GRID2: variants seen among roughly 807,000 people sequenced by gnomAD.
GRID2 encodes glutamate receptor ionotropic, delta-2.
Under a neutral mutation model 114.8 loss-of-function variants are expected in GRID2, and 33 were observed. The ratio of observed to expected loss-of-function variants is 0.29; its 90% confidence interval spans 0.22 to 0.38. The LOEUF is 0.38. GRID2 is among the 10% of genes least tolerant of loss of function. The pLI, the probability that GRID2 is intolerant of heterozygous loss-of-function variation, is 1.00. For missense variants in GRID2, 1,184 were observed against 1,257.7 expected (o/e 0.94, Z 0.89); for synonymous variants, 505 against 449.9 (o/e 1.12, Z -1.55).
intron 1 of GRID2, among the ~76,000 whole-genome samples, chr4:92,329,076 G>A (rs1206313431): frequency 2.0e-5 from 3 of 151,992 alleles, no homozygotes; most frequent in African/African-American, 4.8e-5. Context: ...ACACGTGCAT[G>A]CTAATTTTAC....
At chr4:92,858,799 C>T (rs1005890226) in intron 2 of GRID2, among the ~76,000 whole-genome samples, 9 of 152,074 alleles carry the variant, frequency 5.9e-5, no homozygotes, top group African/African-American at 1.9e-4. Flanking sequence ...TCTTGTAATC[C>T]GCCTGCCTCA....
chr4:92,591,906 A>G (rs548234803), intron 2 of GRID2, among the ~76,000 whole-genome samples: 2 of 152,256 alleles, frequency 1.3e-5, no homozygotes, highest in South Asian at 4.1e-4. Context: ...GTAAACATTA[A>G]TGCAAAAAGT....
At chr4:92,605,152 A>G (rs900834629) in intron 2 of GRID2, among the ~76,000 whole-genome samples, 5 of 152,072 alleles carry the variant, frequency 3.3e-5, no homozygotes, top group Non-Finnish European at 7.4e-5. Context: ...TCCTTTATAA[A>G]TTACCTGGTC....
intron 4 of GRID2, among the ~76,000 whole-genome samples, chr4:93,182,811 CT>C (rs2149437429): frequency 6.6e-6 from 1 of 152,294 alleles, no homozygotes; most frequent in Admixed American, 6.5e-5. Context: ...TTGATTTTGT[CT>C]TTTTCTTCTC....
At chr4:92,583,159 G>A (rs1728261760) in intron 1 of GRID2, among the ~76,000 whole-genome samples, 1 of 152,076 alleles carries the variant, frequency 6.6e-6, no homozygotes, top group African/African-American at 2.4e-5. Context: ...CCTAGGGAAA[G>A]TTACTTAACC....
chr4:92,595,078 A>C (rs1728883488), intron 2 of GRID2, among the ~76,000 whole-genome samples: 1 of 152,034 alleles, frequency 6.6e-6, no homozygotes, highest in Admixed American at 6.6e-5. Flanking sequence ...TAATGACAAG[A>C]TTCAGCTAAA....
chr4:93,719,348 T>C (rs578185719), intron 14 of GRID2, among the ~76,000 whole-genome samples: 3 of 152,206 alleles, frequency 2.0e-5, no homozygotes, highest in African/African-American at 7.2e-5. Context: ...TTTTTTCTAA[T>C]CTTGGGTTAG....
At chr4:93,506,269 AT>A (rs1728618497) in intron 12 of GRID2, among the ~76,000 whole-genome samples, 1 of 152,066 alleles carries the variant, frequency 6.6e-6, no homozygotes. Context: ...AGTGCAGAAA[AT>A]ATTCCCAAGT....
At chr4:93,271,117 A>G (rs1250377285) in intron 8 of GRID2, among the ~76,000 whole-genome samples, 2 of 152,202 alleles carry the variant, frequency 1.3e-5, no homozygotes, top group Admixed American at 1.3e-4. Context: ...TGGACCAGAT[A>G]TAAGCCATTT....
intron 1 of GRID2, among the ~76,000 whole-genome samples, chr4:92,523,226 G>A (rs1724875373): frequency 6.6e-6 from 1 of 151,998 alleles, no homozygotes; most frequent in Non-Finnish European, 1.5e-5. Context: ...CTTGTTAAAT[G>A]TAAATGTCAT....
chr4:92,304,885 C>T (rs980208552), intron 1 of GRID2, 141 bp downstream of exon 1: 1 of 686,098 alleles, frequency 1.5e-6, no homozygotes, highest in Non-Finnish European at 2.6e-6. Flanking sequence ...CTACCCTTCC[C>T]TCACACTTGC....
Position 93,019,083 on chromosome 4 carries a change from G to A in GRID2, c.245-65912G>A, listed in dbSNP as rs868388903. Among the ~76,000 whole-genome samples, 7 of 152,172 alleles carry A rather than the reference G, an allele frequency of 4.6e-5. No homozygotes were observed. In the Middle Eastern group the frequency reaches 0.01, roughly 222 times the overall value. ...GGATGTTGTGAAATAGCACTGCAGT[G>A]TTCATAATGAAATTCTTTATATTCA... On this transcript the variant is annotated intron_variant, in intron 2 of 15. Transcript: ENST00000282020.
chr4:92,896,302 A>G (rs1747161289), intron 2 of GRID2, among the ~76,000 whole-genome samples: 1 of 152,216 alleles, frequency 6.6e-6, no homozygotes, highest in Admixed American at 6.5e-5. Context: ...TTGAGAATTA[A>G]GACAGTAGTG....
chr4:93,305,832 C>T (rs959711123), intron 8 of GRID2, among the ~76,000 whole-genome samples: 1 of 151,256 alleles, frequency 6.6e-6, no homozygotes, highest in African/African-American at 2.5e-5. Flanking sequence ...AAGTTGTCTG[C>T]CTTGGACATA....
chr4:92,996,313 A>T (rs1755194815), intron 2 of GRID2, among the ~76,000 whole-genome samples: 1 of 152,074 alleles, frequency 6.6e-6, no homozygotes, highest in Non-Finnish European at 1.5e-5. Context: ...AAATAAAAAA[A>T]ATAAAAAATA....
intron 12 of GRID2, among the ~76,000 whole-genome samples, chr4:93,511,757 C>T (rs542982506): frequency 6.6e-6 from 1 of 151,006 alleles, no homozygotes; most frequent in Non-Finnish European, 1.5e-5. Context: ...CTGGAGTACT[C>T]TAGATTTTTC....
intron 2 of GRID2, among the ~76,000 whole-genome samples, chr4:92,897,845 T>C (rs1344401607): frequency 1.3e-5 from 2 of 152,178 alleles, no homozygotes; most frequent in African/African-American, 4.8e-5. Context: ...ACAAAGAAAT[T>C]ATATGATTAT....
At chr4:92,753,962 C>T (rs1378188533) in intron 2 of GRID2, among the ~76,000 whole-genome samples, 1 of 152,128 alleles carries the variant, frequency 6.6e-6, no homozygotes, top group African/African-American at 2.4e-5. Context: ...CCAGTAATAG[C>T]TATATATGAC....
chr4:92,577,678 G>A (rs1727962971), intron 1 of GRID2, among the ~76,000 whole-genome samples: 1 of 152,190 alleles, frequency 6.6e-6, no homozygotes, highest in Non-Finnish European at 1.5e-5. Context: ...AGGACTACAG[G>A]AAGAGCAAGG....
Sources: gnomAD v4.1 joint callset for allele counts (sites outside exome capture counted in the v4.1 genomes callset) on GRCh38, gnomAD v4.1.1 for gene constraint, MANE v1.5 for transcripts, NCBI Gene and HGNC (gene_info 2026-07-23, HGNC 2026-07-21) for gene names.